Variants in PCDHGA8 observed in about 807,000 individuals in gnomAD.
The protein encoded by PCDHGA8 is protocadherin gamma subfamily A, 8, also known as protocadherin gamma-A8.
In PCDHGA8, 45 loss-of-function variants were observed where a neutral mutation model predicts 59.2. The observed-to-expected ratio is 0.76, with a 90% CI of 0.60 to 0.98. The LOEUF (loss-of-function observed/expected upper bound fraction) is 0.98. Among genes scored for constraint, PCDHGA8 ranks in the 50% least tolerant of loss-of-function variants. The pLI is 0.00. For synonymous variants in PCDHGA8, 531 were observed against 519.0 expected, an observed-to-expected ratio of 1.02 and a Z score of -0.32; for missense variants, 1,257 against 1,196.2, an observed-to-expected ratio of 1.05 and a Z score of -0.75.
intron 1 of PCDHGA8, chr5:141,430,946 G>C: frequency 6.2e-7 from 1 of 1,609,494 alleles, no homozygotes. Context: ...CGCGGAGCGC[G>C]GAGTCCGCAT....
At chr5:141,410,765 T>C (rs1238144239) in intron 1 of PCDHGA8, 1 of 1,066,570 alleles carries the variant, frequency 9.4e-7, no homozygotes, top group Non-Finnish European at 1.3e-6. Flanking sequence ...TTTTCAATTA[T>C]AGTTTTCACT....
Position 141,454,782 on chromosome 5 carries a change from C to A in PCDHGA8, c.2425-40025C>A, listed in dbSNP as rs116242508. On this transcript the variant is annotated intron_variant, in intron 1 of 3. Transcript: ENST00000398604. ...GACATGTTTTTTACAAGGAAATAAT[C>A]CTCCATGGTTCTAATTTTTTTTTTT... is the stretch of plus-strand genomic sequence containing the variant. 8.4e-3 allele frequency among the ~76,000 whole-genome samples: 1,205 copies of A among 143,216 alleles called. 20 individuals are homozygous for A. Among genetic ancestry groups the A allele is most frequent in the African/African-American group, 0.03 (1,150 of 37,952 alleles). The allele number at this position is 143,216 out of a possible 152,430, so 94.0% of individuals were successfully genotyped here. A position where few individuals can be genotyped will look rare whatever the true frequency, so the allele number is the denominator to read the frequency against.
Position 141,476,263 on chromosome 5 carries a change from C to T in PCDHGA8, c.2425-18544C>T. 1 of 1,613,940 alleles carries T rather than the reference C, an allele frequency of 6.2e-7. No individual in the cohort carries two copies. The highest frequency in any genetic ancestry group is 8.5e-7 in the Non-Finnish European group (1 of 1,180,010). Reference sequence around the variant, plus strand: ...GAGAGAAGGGTTTCGCTGTGGGCAACGTGGTCGCGAACCTTGGTTTGGATC... The same window carrying T: ...GAGAGAAGGGTTTCGCTGTGGGCAATGTGGTCGCGAACCTTGGTTTGGATC... On this transcript the variant is annotated intron_variant, in intron 1 of 3. Transcript: ENST00000398604. The surrounding 1 kb of genome is among the most constrained non-coding windows in gnomAD (Gnocchi z 7.6).
chr5:141,398,937 C>A, intron 1 of PCDHGA8: 1 of 1,613,902 alleles, frequency 6.2e-7, no homozygotes. Context: ...CTGACCAAGA[C>A]GAGGGCATCA....
Position 141,490,869 on chromosome 5 carries a change from A to AT in PCDHGA8, c.2425-3936dup. 1.2e-6 allele frequency: 2 copies of AT among 1,613,902 alleles called. No individual in the cohort carries two copies. Among genetic ancestry groups the AT allele is most frequent in the Non-Finnish European group, 8.5e-7 (1 of 1,179,954 alleles). ...GGGTTCGAGACTCCGGCTCTCCCCC[A>AT]TTGCATGCCAACACATCTCTGCATG... On this transcript the variant is annotated intron_variant, in intron 1 of 3. Coordinates refer to ENST00000398604, the MANE Select transcript of PCDHGA8 (RefSeq NM_032088.2). This position sits in a 1 kb window ranked among gnomAD's most constrained non-coding sequence, Gnocchi z 5.4.
rs750827454 is a variant in PCDHGA8, at chr5:141,394,736, C to T, written c.1923C>T (p.Ser641=). The stretch of plus-strand genomic sequence containing the variant: ...TGGACAGAGATGCGCTCAAGCAGAG[C>T]CTCGTGGTGGCCGTCCAGGACCATG... ...ALLDRDALKQ[S]LVVAVQDHGQ... The change falls in exon 1 of 4, where the codon AGC becomes AGT. Residue 641 remains serine, a synonymous_variant. Transcript: ENST00000398604. 13 of 1,613,338 alleles carry T rather than the reference C, an allele frequency of 8.1e-6. No homozygotes were observed. The African/African-American group carries it at 1.5e-4, about 18-fold the overall frequency.
chr5:141,427,710 G>T, intron 1 of PCDHGA8: 2 of 1,033,628 alleles, frequency 1.9e-6, no homozygotes, highest in South Asian at 2.6e-5. Context: ...CAGCGCCTCT[G>T]ACCTGGACCT....
chr5:141,422,304 A>C (rs1265775894), intron 1 of PCDHGA8: 2 of 1,548,406 alleles, frequency 1.3e-6, no homozygotes. Context: ...CAATTCTGGA[A>C]AACTCTCCTC....
In PCDHGA8 at chr5:141,491,049, G is replaced by A. The variant is rs369146505; in HGVS notation, c.2425-3758G>A. Reference sequence around the variant, plus strand: ...TGGATGCTGATGCAGGCCACAATGCGTGGCTCTCCTACTCACTGTTGCCAC... The same window carrying A: ...TGGATGCTGATGCAGGCCACAATGCATGGCTCTCCTACTCACTGTTGCCAC... On this transcript the variant is annotated intron_variant, in intron 1 of 3. Coordinates refer to ENST00000398604, the MANE Select transcript of PCDHGA8 (RefSeq NM_032088.2). This position sits in a 1 kb window ranked among gnomAD's most constrained non-coding sequence, Gnocchi z 6.9. The A allele has an allele frequency of 3.3e-5, 53 of 1,614,116 alleles. No individual in the cohort carries two copies. The African/African-American group carries it at 5.5e-4, about 17-fold the overall frequency.
intron 1 of PCDHGA8, chr5:141,415,561 T>C (rs11575963): frequency 0.067 from 108,836 of 1,614,090 alleles, 4,260 homozygotes; most frequent in Non-Finnish European, 0.077. Context: ...CGATCCTTTG[T>C]CTTTGTTAGA....
Position 141,476,782 on chromosome 5 carries a change from A to T in PCDHGA8, c.2425-18025A>T. On this transcript the variant is annotated intron_variant, in intron 1 of 3. Coordinates refer to ENST00000398604, the MANE Select transcript of PCDHGA8 (RefSeq NM_032088.2). The surrounding 1 kb of genome is among the most constrained non-coding windows in gnomAD (Gnocchi z 7.6). ...TGACGGCGTTGGACGGAGGGACCCCAGCTCTCTCCGCCAGCCTGCCTATTC... is the reference window on the plus strand; with the variant it reads ...TGACGGCGTTGGACGGAGGGACCCCTGCTCTCTCCGCCAGCCTGCCTATTC... 6.2e-7 allele frequency: 1 copy of T among 1,613,568 alleles called. No individual in the cohort carries two copies. The highest frequency in any genetic ancestry group is 8.5e-7 in the Non-Finnish European group (1 of 1,179,996).
intron 3 of PCDHGA8, among the ~76,000 whole-genome samples, chr5:141,508,855 C>T (rs2099872444): frequency 6.6e-6 from 1 of 152,020 alleles, no homozygotes; most frequent in Non-Finnish European, 1.5e-5. Flanking sequence ...CATTCCCAGG[C>T]TGGGAAAGGC....
chr5:141,431,560 C>T lies in PCDHGA8; in HGVS notation c.2424+36323C>T, dbSNP rs751276470. On this transcript the variant is annotated intron_variant, in intron 1 of 3. Coordinates refer to ENST00000398604, the MANE Select transcript of PCDHGA8 (RefSeq NM_032088.2). This position sits in a 1 kb window ranked among gnomAD's most constrained non-coding sequence, Gnocchi z 4.8. ...CGCAGCTGCTTGTAGTCAACGCTAC[C>T]GACCCTGACGAAGGAGTCAATGCGG... The T allele has an allele frequency of 6.2e-7, 1 of 1,614,104 alleles. No individual in the cohort carries two copies. The highest frequency in any genetic ancestry group is 1.7e-5 in the Admixed American group (1 of 60,036).
rs1331532806 is a variant in PCDHGA8, at chr5:141,395,220, G to A, written c.2407G>A (p.Glu803Lys). 1 of 1,611,732 alleles carries A rather than the reference G, an allele frequency of 6.2e-7. No homozygotes were observed. Among genetic ancestry groups the A allele is most frequent in the Non-Finnish European group, 8.5e-7 (1 of 1,178,592 alleles). The change falls in exon 1 of 4, where the codon GAA becomes AAA. Residue 803 changes from glutamate to lysine, a missense_variant. By Grantham distance (56) the Glu-to-Lys change is moderately conservative. Coordinates refer to ENST00000398604, the MANE Select transcript of PCDHGA8 (RefSeq NM_032088.2). ...CGTAGATTTTCATGAATATAAGAAT[G>A]AAGCTGATCATGGTCAGGTGAGTTT... The part of the protein sequence containing the change: ...TSVDFHEYKN[E>K]ADHGQQAPPN...
At chr5:141,440,428 C>A (rs1001845529) in intron 1 of PCDHGA8, 1 of 152,132 alleles carries the variant, frequency 6.6e-6, no homozygotes, top group Non-Finnish European at 1.5e-5. Context: ...GCCTGGGTGA[C>A]AGAGCAAGGC....
intron 1 of PCDHGA8, among the ~76,000 whole-genome samples, chr5:141,475,442 T>A (rs1007534176): frequency 1.3e-5 from 2 of 152,238 alleles, no homozygotes; most frequent in African/African-American, 4.8e-5. Context: ...TAGCTCCAGA[T>A]AATGAGGAAG....
intron 1 of PCDHGA8, among the ~76,000 whole-genome samples, chr5:141,481,700 T>C (rs1283509788): frequency 2.0e-5 from 3 of 152,034 alleles, no homozygotes; most frequent in Non-Finnish European, 4.4e-5. Context: ...ACGCCTGTAA[T>C]CCCAGCACTT....
intron 1 of PCDHGA8, chr5:141,420,568 T>C (rs2096507107): frequency 8.5e-6 from 2 of 235,080 alleles, no homozygotes; most frequent in African/African-American, 2.3e-5. Flanking sequence ...CGGCATGGTA[T>C]TTTAATTGAA....
rs1233148754 is a variant in PCDHGA8, at chr5:141,428,157, T to A, written c.2424+32920T>A. ...CCTGGGGCTGCACACGGGAACCTGC[T>A]GGTTGCTGTGCGTGACGGAGGACAG... On this transcript the variant is annotated intron_variant, in intron 1 of 3. Coordinates refer to ENST00000398604, the MANE Select transcript of PCDHGA8 (RefSeq NM_032088.2). The A allele has an allele frequency of 4.4e-6, 7 of 1,575,024 alleles. No individual in the cohort carries two copies. The East Asian group carries it at 1.6e-4, about 35-fold the overall frequency.
Sources: allele counts gnomAD v4.1 joint callset (sites outside exome capture counted in the v4.1 genomes callset), GRCh38; gene constraint gnomAD v4.1.1; non-coding constraint Gnocchi (gnomAD v3.1); transcripts MANE v1.5; gene names NCBI Gene and HGNC (gene_info 2026-07-23, HGNC 2026-07-21).